SKAP1: variants seen among roughly 807,000 people sequenced by gnomAD.
SKAP1 encodes src kinase associated phosphoprotein 1.
In SKAP1, 44 loss-of-function variants were observed where a neutral mutation model predicts 58.5. The ratio of observed to expected loss-of-function variants is 0.75; its 90% CI spans 0.59 to 0.97. The LOEUF is 0.97. Among genes scored for constraint, SKAP1 ranks in the 50% least tolerant of loss-of-function variants. SKAP1 has a pLI of 0.00. For missense variants in SKAP1, 390 were observed against 435.2 expected, an observed-to-expected ratio of 0.90 and a Z score of 0.92; for synonymous variants, 127 against 149.7, an observed-to-expected ratio of 0.85 and a Z score of 1.11.
rs920972831 is a variant in SKAP1, at chr17:48,249,665, T to TA, written c.281-60166dup. 2.3e-3 allele frequency among the ~76,000 whole-genome samples: 334 copies of TA among 146,166 alleles called. 3 individuals are homozygous for TA. Among genetic ancestry groups the TA allele is most frequent in the African/African-American group, 7.2e-3 (288 of 39,912 alleles). ...CTCCAGGCAGAGCAAGACCTTGTCT[T>TA]AAAAAAAAAACAAAACCCGGAAGCC... On this transcript the variant is annotated intron_variant, in intron 4 of 12. Coordinates refer to ENST00000336915, the MANE Select transcript of SKAP1 (RefSeq NM_003726.4).
intron 4 of SKAP1, among the ~76,000 whole-genome samples, chr17:48,287,867 A>G (rs183100728): frequency 6.6e-6 from 1 of 152,338 alleles, no homozygotes; most frequent in East Asian, 1.9e-4. Flanking sequence ...TGTTCACAGT[A>G]AATATTTGAC....
intron 4 of SKAP1, among the ~76,000 whole-genome samples, chr17:48,233,711 C>G (rs2143792117): frequency 6.6e-6 from 1 of 152,058 alleles, no homozygotes; most frequent in South Asian, 2.1e-4. Context: ...AAAAAATTAG[C>G]CGGGCATAGT....
chr17:48,335,789 A>C (rs930203954), intron 4 of SKAP1, among the ~76,000 whole-genome samples: 4 of 152,122 alleles, frequency 2.6e-5, no homozygotes, highest in Admixed American at 6.5e-5. Flanking sequence ...ACAAACCCTC[A>C]AGATTATAGT....
At chr17:48,330,736 T>A (rs1453074782) in intron 4 of SKAP1, among the ~76,000 whole-genome samples, 1 of 152,050 alleles carries the variant, frequency 6.6e-6, no homozygotes, top group Admixed American at 6.5e-5. Flanking sequence ...ACTGCTATAG[T>A]GTTGTGGGTC....
intron 4 of SKAP1, among the ~76,000 whole-genome samples, chr17:48,322,618 G>T (rs1006904952): frequency 6.6e-6 from 1 of 152,196 alleles, no homozygotes; most frequent in African/African-American, 2.4e-5. Flanking sequence ...AAAAGCAAAG[G>T]TGAAGACAGG....
chr17:48,396,699 A>G lies in SKAP1; in HGVS notation c.133T>C (p.Phe45Leu). 6.2e-7 allele frequency: 1 copy of G among 1,611,568 alleles called. No homozygotes were observed. The highest frequency in any genetic ancestry group is 8.5e-7 in the Non-Finnish European group (1 of 1,178,226). The part of the protein sequence containing the change: ...RDHRDHILRG[F>L]QQIKARYYWD... ...ACAAACCTGGCTTTGATTTGCTGAAAGCCCCGTAGAATATGGTCTCTGTGA... is the reference window on the plus strand; with the variant it reads ...ACAAACCTGGCTTTGATTTGCTGAAGGCCCCGTAGAATATGGTCTCTGTGA... The change falls in exon 2 of 13, where the codon TTT becomes CTT. Residue 45 changes from phenylalanine to leucine, a missense_variant. Coordinates refer to ENST00000336915, the MANE Select transcript of SKAP1 (RefSeq NM_003726.4).
intron 1 of SKAP1, among the ~76,000 whole-genome samples, chr17:48,422,483 A>G (rs2144614644): frequency 6.6e-6 from 1 of 152,350 alleles, no homozygotes; most frequent in South Asian, 2.1e-4. Context: ...TAAGATAGGT[A>G]CCACTATTAT....
intron 4 of SKAP1, among the ~76,000 whole-genome samples, chr17:48,316,464 G>A (rs2144201306): frequency 6.6e-6 from 1 of 152,242 alleles, no homozygotes; most frequent in East Asian, 1.9e-4. Flanking sequence ...TGATCACCCT[G>A]TTCTCAAAGA....
chr17:48,288,498 C>T (rs2065860473), intron 4 of SKAP1, among the ~76,000 whole-genome samples: 1 of 152,094 alleles, frequency 6.6e-6, no homozygotes, highest in Non-Finnish European at 1.5e-5. Flanking sequence ...CCATCCTGGC[C>T]AATATGGTGA....
intron 3 of SKAP1, among the ~76,000 whole-genome samples, chr17:48,353,968 A>AG (rs1235804546): frequency 1.3e-5 from 2 of 149,508 alleles, no homozygotes; most frequent in African/African-American, 4.9e-5. Context: ...AAGAGGAAGA[A>AG]AAAGAAGAAG....
chr17:48,273,081 G>A (rs1852727332), intron 4 of SKAP1, among the ~76,000 whole-genome samples: 2 of 152,168 alleles, frequency 1.3e-5, no homozygotes, highest in Non-Finnish European at 2.9e-5. Context: ...TGGGAATGGA[G>A]CTTCTCTATG....
intron 4 of SKAP1, among the ~76,000 whole-genome samples, chr17:48,311,906 G>A (rs1231371315): frequency 6.6e-6 from 1 of 152,152 alleles, no homozygotes; most frequent in Non-Finnish European, 1.5e-5. Context: ...CCAAGCACCA[G>A]CCATGATAAA....
At chr17:48,308,446 A>AGAACTTTCTTAGAACTTCTAAG (rs1397538158) in intron 4 of SKAP1, 1 of 152,224 alleles carries the variant, frequency 6.6e-6, no homozygotes, top group African/African-American at 2.4e-5. Context: ...AGACTTTGCA[A>AGAACTTTCTTAGAACTTCTAAG]AACTTTCTTA....
chr17:48,180,275 C>A, intron 8 of SKAP1, 27 bp from the exon 9 acceptor site: 2 of 1,477,238 alleles, frequency 1.4e-6, no homozygotes, highest in South Asian at 1.3e-5. Context: ...GAGAATGAAT[C>A]AAGAAACAGA....
chr17:48,279,686 A>T (rs1230373254), intron 4 of SKAP1, among the ~76,000 whole-genome samples: 3 of 152,206 alleles, frequency 2.0e-5, no homozygotes, highest in African/African-American at 7.2e-5. Context: ...ATGTGTAAAC[A>T]TGTTAATTCG....
chr17:48,242,885 T>C (rs1429208790), intron 4 of SKAP1, among the ~76,000 whole-genome samples: 1 of 152,234 alleles, frequency 6.6e-6, no homozygotes, highest in Non-Finnish European at 1.5e-5. Context: ...GTCTATTGAA[T>C]ATGCCAAGAC....
chr17:48,139,567 A>T (rs1469620479), intron 11 of SKAP1, among the ~76,000 whole-genome samples: 1 of 152,230 alleles, frequency 6.6e-6, no homozygotes, highest in Non-Finnish European at 1.5e-5. Flanking sequence ...TTCTTTGTAC[A>T]CTTGGTTGCT....
intron 9 of SKAP1, among the ~76,000 whole-genome samples, chr17:48,173,723 TC>T (rs2064248932): frequency 6.6e-6 from 1 of 152,192 alleles, no homozygotes; most frequent in African/African-American, 2.4e-5. Context: ...CCAATTCTAA[TC>T]AATGTAAATT....
chr17:48,145,529 A>AGTGGTTTCCTATTGCTGTTT (rs2063822071), intron 11 of SKAP1, among the ~76,000 whole-genome samples: 1 of 152,038 alleles, frequency 6.6e-6, no homozygotes, highest in African/African-American at 2.4e-5. Context: ...CTCTGCCTCC[A>AGTGGTTTCCTATTGCTGTTT]GTGGTTTCCT....
Sources: gnomAD v4.1 joint callset for allele counts (sites outside exome capture counted in the v4.1 genomes callset) on GRCh38, gnomAD v4.1.1 for gene constraint, MANE v1.5 for transcripts, NCBI Gene and HGNC (gene_info 2026-07-23, HGNC 2026-07-21) for gene names.